The following USP9X variants were observed in gnomAD, a reference collection of about 807,000 sequenced individuals.
USP9X encodes the protein ubiquitin specific peptidase 9 X-linked, also known as ubiquitin carboxyl-terminal hydrolase 9X.
USP9X carries 7 observed loss-of-function variants against 190.3 expected under a neutral mutation model. The observed-to-expected ratio is 0.04, with a 90% CI of 0.02 to 0.07. The LOEUF is 0.07. Ranked by LOEUF, USP9X falls within the 10% of genes least tolerant of loss-of-function variation. The pLI is 1.00. For missense variants in USP9X, 1,010 were observed against 1,916.9 expected (o/e 0.53, Z 8.83); for synonymous variants, 645 against 659.5 (o/e 0.98, Z 0.34).
At chrX:41,098,502 A>C (rs1397900009) in intron 1 of USP9X, among the ~76,000 whole-genome samples, 1 of 109,593 alleles carries the variant, frequency 9.1e-6, no homozygotes, top group Admixed American at 9.8e-5. Flanking sequence ...GGAGTAATAC[A>C]CTATATACTC....
intron 11 of USP9X, among the ~76,000 whole-genome samples, chrX:41,147,245 C>T (rs2062474471): frequency 9.2e-6 from 1 of 108,566 alleles, no homozygotes; most frequent in Admixed American, 9.9e-5. Context: ...GGAGGAATAC[C>T]TAGTTGTCTC....
intron 25 of USP9X, among the ~76,000 whole-genome samples, chrX:41,188,661 T>C (rs778015869): frequency 1.9e-4 from 21 of 111,834 alleles, no homozygotes; most frequent in Non-Finnish European, 3.0e-4. Flanking sequence ...GGAACTTCCC[T>C]GACTTGGTAG....
intron 26 of USP9X, among the ~76,000 whole-genome samples, chrX:41,195,046 C>CTTT (rs931341447): frequency 2.1e-4 from 22 of 104,727 alleles, no homozygotes; most frequent in Non-Finnish European, 4.1e-4. Context: ...TTTTTTCTTT[C>CTTT]TTTTTTTTGG....
intron 9 of USP9X, 141 bp downstream of exon 9, chrX:41,141,572 T>C (rs1410861558): frequency 1.6e-6 from 1 of 608,573 alleles, no homozygotes; most frequent in African/African-American, 2.4e-5. Flanking sequence ...TTTATAACTC[T>C]GTTAATCCTG....
chrX:41,123,953 G>A (rs2062212778), intron 2 of USP9X, among the ~76,000 whole-genome samples: 1 of 110,640 alleles, frequency 9.0e-6, no homozygotes, highest in African/African-American at 3.3e-5. Flanking sequence ...TGAGACAAGA[G>A]AATTGCTTGA....
At chrX:41,166,244 G>A (rs753829411) in intron 16 of USP9X, 30 bp downstream of exon 16, 6 of 1,019,445 alleles carry the variant, frequency 5.9e-6, no homozygotes, top group Admixed American at 2.9e-5. Context: ...TCTGTAAATG[G>A]TGTCTGATGT....
At position 41,232,596 on chromosome X, in the gene USP9X, G is replaced by A; in HGVS notation, c.*72G>A. 1 of 1,108,010 alleles carries A rather than the reference G, an allele frequency of 9.0e-7. No individual in the cohort carries two copies. The highest frequency in any genetic ancestry group is 1.2e-6 in the Non-Finnish European group (1 of 831,342). 91.3% of individuals were successfully genotyped at this position (1,108,010 alleles called of 1,213,427 possible). A position where few individuals can be genotyped will look rare whatever the true frequency, so the allele number is the denominator to read the frequency against. ...TACAGTCCAACCTTTTTCTGTGTCT[G>A]GCTAATATTTAAAACTAGAAAAACT... On this transcript the variant is annotated 3_prime_UTR_variant, in exon 45 of 45. Transcript: ENST00000378308.
intron 14 of USP9X, among the ~76,000 whole-genome samples, chrX:41,156,805 G>A (rs1020878843): frequency 8.9e-6 from 1 of 111,807 alleles, no homozygotes; most frequent in Non-Finnish European, 1.9e-5. Context: ...GGACCAGACC[G>A]TGCTGTGCCT....
chrX:41,154,236 C>G (rs113313962), intron 14 of USP9X, among the ~76,000 whole-genome samples: 10 of 111,438 alleles, frequency 9.0e-5, no homozygotes, highest in African/African-American at 3.3e-4. Flanking sequence ...TAGGTTCCTT[C>G]TAAGCAGTGT....
intron 5 of USP9X, among the ~76,000 whole-genome samples, chrX:41,135,441 G>A (rs1441076752): frequency 1.8e-5 from 2 of 111,659 alleles, no homozygotes; most frequent in Non-Finnish European, 3.8e-5. Context: ...CATGTCGGTA[G>A]TGCCCCCAAG....
At chrX:41,130,470 T>C (rs937003659) in intron 3 of USP9X, among the ~76,000 whole-genome samples, 15 of 100,856 alleles carry the variant, frequency 1.5e-4, no homozygotes, top group African/African-American at 5.4e-4. Context: ...TTTTTCTTTT[T>C]TTCTTTTTTT....
chrX:41,150,799 A>G, intron 12 of USP9X, 122 bp from the exon 13 acceptor site: 1 of 725,407 alleles, frequency 1.4e-6, no homozygotes. Flanking sequence ...TGTAATTACA[A>G]CATGATGCTT....
At chrX:41,115,183 T>C (rs1184567184) in intron 1 of USP9X, among the ~76,000 whole-genome samples, 2 of 98,316 alleles carry the variant, frequency 2.0e-5, no homozygotes, top group African/African-American at 7.7e-5. Context: ...ATTGTGCCAC[T>C]GCACTCTAGC....
chrX:41,103,085 C>T (rs1388062449), intron 1 of USP9X, among the ~76,000 whole-genome samples: 1 of 112,525 alleles, frequency 8.9e-6, no homozygotes, highest in Non-Finnish European at 1.9e-5. Flanking sequence ...TGAGCCACCA[C>T]GCCCGGCCTA....
intron 26 of USP9X, 72 bp downstream of exon 26, chrX:41,189,547 G>A: frequency 1.0e-6 from 1 of 956,375 alleles, no homozygotes; most frequent in East Asian, 3.2e-5. Flanking sequence ...CTGGCAAAAT[G>A]TGTCCCCAAA....
chrX:41,206,237 T>C (rs1242115390), intron 32 of USP9X, among the ~76,000 whole-genome samples: 1 of 112,057 alleles, frequency 8.9e-6, no homozygotes, highest in East Asian at 2.8e-4. Context: ...CTTAGTTCCA[T>C]CTGTAAATAC....
At chrX:41,125,732 G>A (rs868441485) in intron 2 of USP9X, among the ~76,000 whole-genome samples, 8 of 99,975 alleles carry the variant, frequency 8.0e-5, no homozygotes, top group African/African-American at 2.3e-4. Flanking sequence ...GCACGCGCGC[G>A]CGCTCTCTCT....
chrX:41,147,959 G>A (rs776924539), intron 11 of USP9X, among the ~76,000 whole-genome samples: 2 of 110,825 alleles, frequency 1.8e-5, no homozygotes, highest in Non-Finnish European at 3.8e-5. Context: ...GTGAGTTTTG[G>A]GGGGGACATT....
intron 41 of USP9X, among the ~76,000 whole-genome samples, chrX:41,227,422 T>C (rs1170987505): frequency 8.9e-6 from 1 of 112,167 alleles, no homozygotes; most frequent in Non-Finnish European, 1.9e-5. Flanking sequence ...CATGGTTGAT[T>C]TGTCTGAAAT....
Sources: gnomAD v4.1 joint callset for allele counts (sites outside exome capture counted in the v4.1 genomes callset) on GRCh38, gnomAD v4.1.1 for gene constraint, MANE v1.5 for transcripts, NCBI Gene and HGNC (gene_info 2026-07-23, HGNC 2026-07-21) for gene names.